The following PTPRN2 variants were observed in gnomAD, a reference collection of about 807,000 sequenced individuals.
The protein encoded by PTPRN2 is protein tyrosine phosphatase receptor type N2.
In PTPRN2, 74 loss-of-function variants were observed where a neutral mutation model predicts 118.8. That is an observed-to-expected ratio of 0.62 (90% confidence interval 0.52 to 0.76). The LOEUF (loss-of-function observed/expected upper bound fraction) is 0.76, where lower values mean the gene tolerates loss of function less well. PTPRN2 is among the 30% of genes least tolerant of loss of function. PTPRN2 has a pLI of 0.00. For missense variants in PTPRN2, 1,481 were observed against 1,394.4 expected (o/e 1.06, Z -0.99); for synonymous variants, 641 against 608.0 (o/e 1.05, Z -0.80).
chr7:158,487,396 C>T (rs1417544352), intron 2 of PTPRN2, among the ~76,000 whole-genome samples: 7 of 152,324 alleles, frequency 4.6e-5, no homozygotes, highest in African/African-American at 7.2e-5. Flanking sequence ...CCATCAGCAG[C>T]GCACAAGTGT....
chr7:157,846,659 C>T (rs557229255), intron 12 of PTPRN2, among the ~76,000 whole-genome samples: 99 of 152,190 alleles, frequency 6.5e-4, no homozygotes, highest in South Asian at 2.1e-4. Flanking sequence ...AGACCTCTCT[C>T]GCTCCATCAT....
intron 1 of PTPRN2, among the ~76,000 whole-genome samples, chr7:158,491,151 C>T (rs908594800): frequency 7.9e-5 from 12 of 152,232 alleles, no homozygotes; most frequent in African/African-American, 2.7e-4. Flanking sequence ...TAAAACTAAA[C>T]GTCATTCCAG....
In PTPRN2 at chr7:157,790,058, T is replaced by C. The variant is rs1435936517; in HGVS notation, c.1789-107121A>G. Among the ~76,000 whole-genome samples the C allele has an allele frequency of 2.7e-5, 3 of 109,576 alleles. 1 individual carries two copies. Among genetic ancestry groups the C allele is most frequent in the African/African-American group, 1.1e-4 (3 of 27,490 alleles). The allele number at this position is 109,576 out of a possible 152,430, so 71.9% of individuals were successfully genotyped here. On this transcript the variant is annotated intron_variant, in intron 12 of 22. Coordinates refer to ENST00000389418, the MANE Select transcript of PTPRN2 (RefSeq NM_002847.5). ...GGGGGTGTGTGTGGTGTTTGTGTGG[T>C]GTGAATGTGTGGTGTGTGTGTGTGG...
intron 10 of PTPRN2, among the ~76,000 whole-genome samples, chr7:158,083,389 G>T (rs531207318): frequency 3.3e-5 from 5 of 152,214 alleles, no homozygotes; most frequent in Non-Finnish European, 5.9e-5. Flanking sequence ...TCAGCCACAG[G>T]GCTTCAAGCT....
chr7:158,410,559 C>A (rs1470211969), intron 2 of PTPRN2, among the ~76,000 whole-genome samples: 1 of 152,180 alleles, frequency 6.6e-6, no homozygotes, highest in Non-Finnish European at 1.5e-5. Flanking sequence ...AAACTACAGG[C>A]TTTGAGCAAG....
At chr7:157,685,898 G>A (rs1373597434) in intron 12 of PTPRN2, among the ~76,000 whole-genome samples, 1 of 152,114 alleles carries the variant, frequency 6.6e-6, no homozygotes, top group East Asian at 1.9e-4. Context: ...CTAGGCCCGC[G>A]CTGTCCCAGC....
At chr7:158,413,927 G>C (rs1346885368) in intron 2 of PTPRN2, among the ~76,000 whole-genome samples, 3 of 152,172 alleles carry the variant, frequency 2.0e-5, no homozygotes, top group Non-Finnish European at 4.4e-5. Flanking sequence ...ATTACCTGAG[G>C]TCAGGAGTTC....
chr7:158,494,159 A>G lies in PTPRN2; in HGVS notation c.113-4374T>C, dbSNP rs372470864. ...TCATTGTGGAAATACAGTAAATGTG[A>G]ACAGAGCCCACCACCTCTCTCACTG... On this transcript the variant is annotated intron_variant, in intron 1 of 22. Coordinates refer to ENST00000389418, the MANE Select transcript of PTPRN2 (RefSeq NM_002847.5). 4.3e-4 allele frequency among the ~76,000 whole-genome samples: 65 copies of G among 152,356 alleles called. 3 individuals are homozygous for G. The South Asian group carries it at 4.8e-3, about 11-fold the overall frequency.
intron 9 of PTPRN2, among the ~76,000 whole-genome samples, chr7:158,120,496 G>A (rs548949878): frequency 1.2e-4 from 18 of 152,250 alleles, no homozygotes; most frequent in East Asian, 1.9e-4. Context: ...TGTGGCTCAC[G>A]GAGAAAGCTG....
intron 3 of PTPRN2, among the ~76,000 whole-genome samples, chr7:158,286,236 T>C (rs1161498385): frequency 1.3e-5 from 2 of 152,268 alleles, no homozygotes; most frequent in African/African-American, 4.8e-5. Context: ...ATTTATTAGC[T>C]CTAACAGTGT....
chr7:158,573,813 C>A (rs968119590), intron 1 of PTPRN2, among the ~76,000 whole-genome samples: 3 of 152,132 alleles, frequency 2.0e-5, no homozygotes, highest in African/African-American at 4.8e-5. Context: ...CCCACGAGAC[C>A]CCACAGCAAA....
At chr7:157,765,749 C>A (rs1043676307) in intron 12 of PTPRN2, among the ~76,000 whole-genome samples, 8 of 148,846 alleles carry the variant, frequency 5.4e-5, no homozygotes, top group African/African-American at 2.0e-4. Flanking sequence ...ATCCATCCAT[C>A]CTTCTTTCAT....
chr7:158,545,589 A>G (rs1463129623), intron 1 of PTPRN2, among the ~76,000 whole-genome samples: 1 of 152,130 alleles, frequency 6.6e-6, no homozygotes, highest in African/African-American at 2.4e-5. Context: ...GTGGCTGATG[A>G]GGAGCTGAGG....
intron 1 of PTPRN2, among the ~76,000 whole-genome samples, chr7:158,519,541 G>T (rs75784819): frequency 2.6e-5 from 4 of 152,068 alleles, no homozygotes; most frequent in African/African-American, 9.7e-5. Flanking sequence ...TGATGGAATG[G>T]GCTGGCATTC....
At chr7:158,396,974 G>C (rs2151392444) in intron 2 of PTPRN2, among the ~76,000 whole-genome samples, 1 of 152,344 alleles carries the variant, frequency 6.6e-6, no homozygotes, top group Non-Finnish European at 1.5e-5. Context: ...GCTTTGGAAA[G>C]AAACTTTATT....
intron 14 of PTPRN2, among the ~76,000 whole-genome samples, chr7:157,633,516 A>G (rs929483169): frequency 1.3e-5 from 2 of 152,198 alleles, no homozygotes; most frequent in Admixed American, 6.5e-5. Flanking sequence ...GATTTCAGAC[A>G]ACAGTGAGTA....
At chr7:158,543,128 G>T (rs73510544) in intron 1 of PTPRN2, among the ~76,000 whole-genome samples, 4 of 152,214 alleles carry the variant, frequency 2.6e-5, no homozygotes, top group African/African-American at 9.7e-5. Flanking sequence ...GCTTTAAAAA[G>T]GCTGCTCTTG....
chr7:158,281,028 G>A (rs2150998616), intron 3 of PTPRN2, among the ~76,000 whole-genome samples: 1 of 152,374 alleles, frequency 6.6e-6, no homozygotes, highest in South Asian at 2.1e-4. Flanking sequence ...TGAGGGCTGG[G>A]CGCAGTGGCT....
intron 6 of PTPRN2, among the ~76,000 whole-genome samples, chr7:158,153,694 A>C (rs1447490526): frequency 1.3e-5 from 2 of 152,154 alleles, no homozygotes; most frequent in Non-Finnish European, 2.9e-5. Flanking sequence ...AACAGCTTTG[A>C]TTTTTACTGA....
Sources: gnomAD v4.1 joint callset for allele counts (sites outside exome capture counted in the v4.1 genomes callset) on GRCh38, gnomAD v4.1.1 for gene constraint, MANE v1.5 for transcripts, NCBI Gene and HGNC (gene_info 2026-07-23, HGNC 2026-07-21) for gene names.